Variants in USP13 observed in about 807,000 individuals in gnomAD.
USP13 encodes the protein ubiquitin carboxyl-terminal hydrolase 13.
Under a neutral mutation model 107.8 loss-of-function variants are expected in USP13, and 68 were observed. The ratio of observed to expected loss-of-function variants is 0.63; its 90% CI spans 0.52 to 0.77. The LOEUF is 0.77. Ranked by LOEUF, USP13 falls within the 30% of genes least tolerant of loss-of-function variation. USP13 has a pLI of 0.00. For synonymous variants in USP13, 377 were observed against 389.5 expected (o/e 0.97, Z 0.38); for missense variants, 945 against 1,093.3 (o/e 0.86, Z 1.91).
chr3:179,773,408 C>T (rs1391441880), intron 19 of USP13, among the ~76,000 whole-genome samples: 1 of 152,132 alleles, frequency 6.6e-6, no homozygotes, highest in Admixed American at 6.5e-5. Context: ...TCTGAGCACT[C>T]TCTGTAGACT....
intron 1 of USP13, among the ~76,000 whole-genome samples, chr3:179,672,033 C>T (rs1576914289): frequency 6.6e-6 from 1 of 152,188 alleles, no homozygotes; most frequent in African/African-American, 2.4e-5. Context: ...TTCCTGTCTT[C>T]CAGTGGGAAG....
At chr3:179,743,934 T>C (rs890981113) in intron 12 of USP13, among the ~76,000 whole-genome samples, 91 of 151,390 alleles carry the variant, frequency 6.0e-4, no homozygotes, top group African/African-American at 1.7e-3. Context: ...GAGTTTTTTT[T>C]TTTTTTTTTT....
intron 19 of USP13, among the ~76,000 whole-genome samples, chr3:179,774,119 C>A (rs1270812030): frequency 5.9e-5 from 9 of 152,146 alleles, no homozygotes. Context: ...AGAGGAGGAG[C>A]AAGCGTGTCA....
intron 3 of USP13, among the ~76,000 whole-genome samples, chr3:179,698,630 C>T (rs1383770050): frequency 6.6e-6 from 1 of 151,406 alleles, no homozygotes; most frequent in Middle Eastern, 3.2e-3. Flanking sequence ...GATTTATGCC[C>T]TGGTTACTTA....
chr3:179,776,452 G>A (rs1484196677), intron 19 of USP13, among the ~76,000 whole-genome samples: 1 of 152,092 alleles, frequency 6.6e-6, no homozygotes, highest in Non-Finnish European at 1.5e-5. Context: ...AAATCAAAGA[G>A]TACAATTGCT....
chr3:179,667,329 T>C (rs1349435550), intron 1 of USP13, among the ~76,000 whole-genome samples: 4 of 152,206 alleles, frequency 2.6e-5, no homozygotes, highest in African/African-American at 4.8e-5. Context: ...TGGGCTTTTA[T>C]GGGTTAGCCT....
chr3:179,747,019 T>C (rs997554611), intron 13 of USP13, among the ~76,000 whole-genome samples: 2 of 152,206 alleles, frequency 1.3e-5, no homozygotes, highest in African/African-American at 4.8e-5. Context: ...TTTAAAAAGC[T>C]CCCTATCCAA....
intron 18 of USP13, 119 bp downstream of exon 18, chr3:179,764,287 CTG>C (rs1399137360): frequency 5.0e-6 from 7 of 1,389,032 alleles, no homozygotes; most frequent in East Asian, 5.0e-5. Flanking sequence ...ATTCATCTAA[CTG>C]TGAATCTCAT....
intron 16 of USP13, among the ~76,000 whole-genome samples, chr3:179,758,961 AT>A (rs1319816730): frequency 6.6e-6 from 1 of 151,466 alleles, no homozygotes; most frequent in Non-Finnish European, 1.5e-5. Context: ...GGCTCACTTT[AT>A]TTTTCACAAA....
In USP13 at chr3:179,693,331, T is replaced by C. The variant is rs545507916; in HGVS notation, c.355+3030T>C. On this transcript the variant is annotated intron_variant, in intron 3 of 20. Transcript: ENST00000263966. ...ACATGGTTAATTAAAAAAAATTTTT[T>C]TTAAAGTGATGGGGTCTCACTGTGT... 2.4e-3 allele frequency among the ~76,000 whole-genome samples: 359 copies of C among 152,008 alleles called. 4 individuals carry two copies. Among genetic ancestry groups the C allele is most frequent in the African/African-American group, 8.3e-3 (346 of 41,462 alleles).
intron 10 of USP13, among the ~76,000 whole-genome samples, chr3:179,733,833 G>A (rs1160225734): frequency 1.3e-5 from 2 of 152,196 alleles, no homozygotes; most frequent in African/African-American, 2.4e-5. Context: ...ATGCGGAAAC[G>A]GATGCACAGA....
chr3:179,782,363 C>T (rs1252171509), intron 20 of USP13, among the ~76,000 whole-genome samples: 3 of 152,234 alleles, frequency 2.0e-5, no homozygotes, highest in African/African-American at 4.8e-5. Flanking sequence ...TCTAAACCTT[C>T]AGTGCTTTGC....
At chr3:179,692,612 A>G (rs866263052) in intron 3 of USP13, among the ~76,000 whole-genome samples, 6 of 152,386 alleles carry the variant, frequency 3.9e-5, no homozygotes, top group African/African-American at 1.2e-4. Flanking sequence ...TATAGATCAT[A>G]TGATTTCATT....
chr3:179,657,954 A>G (rs910548205), intron 1 of USP13, among the ~76,000 whole-genome samples: 1 of 151,746 alleles, frequency 6.6e-6, no homozygotes, highest in South Asian at 2.1e-4. Flanking sequence ...TTGGTTGTTG[A>G]GCTCCTCATT....
At chr3:179,695,122 A>G (rs1162369762) in intron 3 of USP13, among the ~76,000 whole-genome samples, 1 of 152,184 alleles carries the variant, frequency 6.6e-6, no homozygotes, top group Non-Finnish European at 1.5e-5. Context: ...TTGTTTCCTC[A>G]TGGAGAGGAA....
chr3:179,745,503 T>C (rs2108516909), intron 13 of USP13, among the ~76,000 whole-genome samples: 1 of 148,882 alleles, frequency 6.7e-6, no homozygotes, highest in East Asian at 1.9e-4. Flanking sequence ...CCTTCCTTCC[T>C]TCCTTCCTTC....
chr3:179,736,950 A>G (rs549350207), intron 10 of USP13, among the ~76,000 whole-genome samples: 1 of 152,258 alleles, frequency 6.6e-6, no homozygotes, highest in Non-Finnish European at 1.5e-5. Flanking sequence ...AGCAGCAGGC[A>G]GTGAATGCAT....
intron 1 of USP13, among the ~76,000 whole-genome samples, chr3:179,674,240 G>A (rs1720829337): frequency 6.6e-6 from 1 of 152,192 alleles, no homozygotes; most frequent in African/African-American, 2.4e-5. Context: ...ACAGCCAAGT[G>A]TGTGACCAGT....
chr3:179,739,174 G>A (rs184719832), intron 10 of USP13, among the ~76,000 whole-genome samples: 2 of 152,334 alleles, frequency 1.3e-5, no homozygotes, highest in Admixed American at 1.3e-4. Context: ...CTTCTCCACT[G>A]GCAGATAGCC....
Sources: allele counts gnomAD v4.1 joint callset (sites outside exome capture counted in the v4.1 genomes callset), GRCh38; gene constraint gnomAD v4.1.1; transcripts MANE v1.5; gene names NCBI Gene and HGNC (gene_info 2026-07-23, HGNC 2026-07-21).